The following GRM5 variants were observed in gnomAD, a reference collection of about 807,000 sequenced individuals.
The protein encoded by GRM5 is metabotropic glutamate receptor 5.
A neutral mutation model predicts 83.1 loss-of-function variants in GRM5; 19 were observed. The ratio of observed to expected loss-of-function variants is 0.23; its 90% CI spans 0.16 to 0.34. GRM5 has a LOEUF of 0.34. Among genes scored for constraint, GRM5 ranks in the 10% least tolerant of loss-of-function variants. The pLI, the probability that GRM5 is intolerant of heterozygous loss-of-function variation, is 1.00. For missense variants in GRM5, 1,160 were observed against 1,588.3 expected, an observed-to-expected ratio of 0.73 and a Z score of 4.58; for synonymous variants, 675 against 633.6, an observed-to-expected ratio of 1.07 and a Z score of -0.98.
chr11:88,509,387 G>A lies in GRM5; in HGVS notation c.2844C>T (p.Val948=). 2 of 1,612,738 alleles carry A rather than the reference G, an allele frequency of 1.2e-6. No homozygotes were observed. Among genetic ancestry groups the A allele is most frequent in the Non-Finnish European group, 1.7e-6 (2 of 1,179,912 alleles). ...NKKENPNQTA[V]IKPFPKSTES... ...CCGTGCTCTTGGGGAAGGGCTTGATGACGGCCGTTTGGTTGGGGTTTTCTT... is the reference window on the plus strand; with the variant it reads ...CCGTGCTCTTGGGGAAGGGCTTGATAACGGCCGTTTGGTTGGGGTTTTCTT... The change falls in exon 10 of 10, where the codon GTC becomes GTT. Residue 948 remains valine (V), a synonymous_variant. Transcript: ENST00000305447.
intron 7 of GRM5, among the ~76,000 whole-genome samples, chr11:88,577,595 C>A (rs1361252290): frequency 1.3e-5 from 2 of 152,100 alleles, no homozygotes; most frequent in Non-Finnish European, 2.9e-5. Flanking sequence ...ACACTTTATT[C>A]TTATTACCTT....
At chr11:88,976,750 T>C (rs1939350375) in intron 2 of GRM5, among the ~76,000 whole-genome samples, 2 of 152,240 alleles carry the variant, frequency 1.3e-5, no homozygotes, top group South Asian at 4.1e-4. Context: ...TAGTTGCAAT[T>C]AAGCAGTAAA....
intron 2 of GRM5, among the ~76,000 whole-genome samples, chr11:88,887,668 G>A (rs897903632): frequency 2.0e-5 from 3 of 152,104 alleles, no homozygotes; most frequent in Non-Finnish European, 4.4e-5. Context: ...TCTCCACTCT[G>A]TCACACGAAA....
chr11:88,785,806 A>G (rs1411879963), intron 3 of GRM5, among the ~76,000 whole-genome samples: 1 of 152,144 alleles, frequency 6.6e-6, no homozygotes, highest in Admixed American at 6.6e-5. Flanking sequence ...ATGGTTAGCA[A>G]CAATAGTAGT....
At chr11:88,529,346 A>G (rs1444477891) in intron 8 of GRM5, among the ~76,000 whole-genome samples, 1 of 151,314 alleles carries the variant, frequency 6.6e-6, no homozygotes, top group African/African-American at 2.4e-5. Flanking sequence ...CTTAACCCAT[A>G]CTAGATTGGC....
At chr11:88,819,373 T>A (rs1048184215) in intron 3 of GRM5, among the ~76,000 whole-genome samples, 8 of 152,236 alleles carry the variant, frequency 5.3e-5, no homozygotes, top group African/African-American at 1.9e-4. Context: ...AAGAATATTT[T>A]TCAGTTGCTA....
At chr11:88,828,162 C>T (rs1943925165) in intron 3 of GRM5, among the ~76,000 whole-genome samples, 1 of 152,136 alleles carries the variant, frequency 6.6e-6, no homozygotes, top group East Asian at 1.9e-4. Context: ...AGGGGAGGAG[C>T]AACAGGACAT....
chr11:88,863,977 A>G (rs559230645), intron 2 of GRM5, among the ~76,000 whole-genome samples: 64 of 151,586 alleles, frequency 4.2e-4, no homozygotes, highest in Non-Finnish European at 8.2e-4. Flanking sequence ...ATAAAGATCC[A>G]GTACAATAAA....
intron 3 of GRM5, among the ~76,000 whole-genome samples, chr11:88,739,745 A>T (rs747571725): frequency 1.3e-4 from 20 of 152,004 alleles, no homozygotes; most frequent in Non-Finnish European, 2.4e-4. Context: ...TACTTACATC[A>T]TGATTGTCGG....
intron 2 of GRM5, among the ~76,000 whole-genome samples, chr11:88,994,089 C>A (rs573202200): frequency 6.7e-4 from 102 of 151,112 alleles, no homozygotes; most frequent in Middle Eastern, 3.4e-3. Flanking sequence ...TGAACCATCC[C>A]CCCCAAAAAA....
At chr11:88,638,589 G>A (rs1939204767) in intron 4 of GRM5, among the ~76,000 whole-genome samples, 1 of 152,090 alleles carries the variant, frequency 6.6e-6, no homozygotes. Context: ...TTTGGCAGCA[G>A]TTCACCAGTG....
chr11:88,590,835 T>C, intron 6 of GRM5, 108 bp from the exon 7 acceptor site: 1 of 666,210 alleles, frequency 1.5e-6, no homozygotes, highest in Non-Finnish European at 2.6e-6. Context: ...TCACATACAT[T>C]ATTTTAAATG....
At chr11:89,065,439 C>T (rs192009412) in intron 1 of GRM5, among the ~76,000 whole-genome samples, 11 of 151,828 alleles carry the variant, frequency 7.2e-5, no homozygotes, top group Non-Finnish European at 1.5e-4. Context: ...AACAAGCCCA[C>T]TTAAATCCCT....
intron 2 of GRM5, among the ~76,000 whole-genome samples, chr11:88,992,361 G>A (rs1409308477): frequency 2.6e-5 from 4 of 151,812 alleles, no homozygotes; most frequent in African/African-American, 7.3e-5. Context: ...AAAAAGTCAG[G>A]AAACAGCAGG....
rs768609538 is a variant in GRM5, at chr11:88,849,962, A to T, written c.855T>A (p.Gly285=). The change falls in exon 3 of 10, where the codon GGT becomes GGA. Residue 285 remains glycine (G), a synonymous_variant. Transcript: ENST00000305447. Reference sequence around the variant, plus strand: ...CCAGGCGCCTCATGGCCATCAGCAGACCTCTCACCGTCATGCCCTCACAGA... The same window carrying T: ...CCAGGCGCCTCATGGCCATCAGCAGTCCTCTCACCGTCATGCCCTCACAGA... The part of the protein sequence containing the change: ...ACFCEGMTVR[G]LLMAMRRLGL... 1 of 1,613,982 alleles carries T rather than the reference A, an allele frequency of 6.2e-7. No individual in the cohort carries two copies. The highest frequency in any genetic ancestry group is 8.5e-7 in the Non-Finnish European group (1 of 1,179,932).
intron 3 of GRM5, among the ~76,000 whole-genome samples, chr11:88,778,398 C>A (rs572463218): frequency 2.0e-5 from 3 of 152,248 alleles, no homozygotes; most frequent in African/African-American, 7.2e-5. Flanking sequence ...CCCCCAACCC[C>A]TTGCGCTTCC....
intron 8 of GRM5, among the ~76,000 whole-genome samples, chr11:88,561,321 C>A (rs1234070139): frequency 1.3e-5 from 2 of 152,124 alleles, no homozygotes; most frequent in African/African-American, 4.8e-5. Context: ...ACAGAAGTGG[C>A]AAATGGCAGT....
At chr11:88,949,356 G>A (rs1195825664) in intron 2 of GRM5, among the ~76,000 whole-genome samples, 1 of 152,166 alleles carries the variant, frequency 6.6e-6, no homozygotes, top group East Asian at 1.9e-4. Context: ...TGTTCAGTAT[G>A]TCTCTTTCAT....
intron 2 of GRM5, among the ~76,000 whole-genome samples, chr11:88,945,999 T>G (rs1028047829): frequency 2.6e-5 from 4 of 151,818 alleles, no homozygotes; most frequent in African/African-American, 2.4e-5. Flanking sequence ...CTGACAAAAG[T>G]CTAGTATCCA....
Sources: gnomAD v4.1 joint callset for allele counts (sites outside exome capture counted in the v4.1 genomes callset) on GRCh38, gnomAD v4.1.1 for gene constraint, MANE v1.5 for transcripts, NCBI Gene and HGNC (gene_info 2026-07-23, HGNC 2026-07-21) for gene names.